Variants in POC1B observed in about 807,000 individuals in gnomAD.
POC1B encodes POC1 centriolar protein homolog B.
POC1B carries 44 observed loss-of-function variants against 60.6 expected under a neutral mutation model. The ratio of observed to expected loss-of-function variants is 0.73; its 90% CI spans 0.57 to 0.93. POC1B has a LOEUF of 0.93. POC1B is among the 40% of genes least tolerant of loss of function. POC1B has a pLI of 0.00. For synonymous variants in POC1B, 180 were observed against 198.9 expected (o/e 0.90, Z 0.80); for missense variants, 555 against 572.3 (o/e 0.97, Z 0.31).
At chr12:89,445,688 T>C (rs1414086132) in intron 10 of POC1B, among the ~76,000 whole-genome samples, 5 of 152,212 alleles carry the variant, frequency 3.3e-5, no homozygotes, top group African/African-American at 7.2e-5. Context: ...ATTCAGGACA[T>C]AGGCATGGGC....
chr12:89,470,361 C>G lies in POC1B; in HGVS notation c.810G>C (p.Thr270=). The G allele has an allele frequency of 6.9e-7, 1 of 1,453,290 alleles. No individual in the cohort carries two copies. Among genetic ancestry groups the G allele is most frequent in the Non-Finnish European group, 9.2e-7 (1 of 1,082,052 alleles). 90.0% of individuals were successfully genotyped at this position (1,453,290 alleles called of 1,614,324 possible). A position where few individuals can be genotyped will look rare whatever the true frequency, so the allele number is the denominator to read the frequency against. Residue 270 remains threonine, a splice_region_variant and synonymous_variant, in exon 7 of 12, where the codon ACG becomes ACC. Transcript: ENST00000313546. The part of the protein sequence containing the change: ...GRLIYTLQGH[T]GPVFTVSFSK... The stretch of plus-strand genomic sequence containing the variant: ...AAAGCAAGAATCTGAGTGTTAATAC[C>G]GTATGTCCTTGAAGTGTATAGATGA...
chr12:89,521,407 CTCACT>C (rs1451301274), intron 2 of POC1B: 1 of 152,258 alleles, frequency 6.6e-6, no homozygotes, highest in African/African-American at 2.4e-5. Context: ...CCGGCCTCCC[CTCACT>C]TAATTTTTAA....
chr12:89,472,319 G>T, intron 4 of POC1B, 44 bp from the exon 5 acceptor site: 1 of 1,280,166 alleles, frequency 7.8e-7, no homozygotes, highest in Non-Finnish European at 1.1e-6. Context: ...AAAGGCTCTG[G>T]AGAGTCACCA....
chr12:89,522,735 C>T, intron 2 of POC1B: 1 of 1,494,710 alleles, frequency 6.7e-7, no homozygotes, highest in Non-Finnish European at 8.9e-7. Flanking sequence ...AAATAAAATA[C>T]AATCTTCACT....
At chr12:89,501,051 T>C in intron 2 of POC1B, 2 of 1,078,902 alleles carry the variant, frequency 1.9e-6, no homozygotes, top group Non-Finnish European at 1.4e-6. Context: ...CAGTAGATCT[T>C]GGGATTACTA....
At chr12:89,510,039 G>A (rs561147366) in intron 2 of POC1B, among the ~76,000 whole-genome samples, 1 of 152,100 alleles carries the variant, frequency 6.6e-6, no homozygotes. Context: ...AGTAGAGACA[G>A]GGTTTCAGCA....
intron 2 of POC1B, among the ~76,000 whole-genome samples, chr12:89,509,257 A>C (rs1373659480): frequency 6.6e-6 from 1 of 152,234 alleles, no homozygotes; most frequent in African/African-American, 2.4e-5. Context: ...ATAATCCATA[A>C]CTATCATTTA....
At chr12:89,463,273 A>G (rs1270538530) in intron 9 of POC1B, among the ~76,000 whole-genome samples, 1 of 152,228 alleles carries the variant, frequency 6.6e-6, no homozygotes, top group Non-Finnish European at 1.5e-5. Context: ...TTAACCAATT[A>G]TAATCCCTGC....
chr12:89,488,738 C>A (rs192907114), intron 4 of POC1B, among the ~76,000 whole-genome samples: 55 of 152,232 alleles, frequency 3.6e-4, no homozygotes, highest in Non-Finnish European at 6.9e-4. Flanking sequence ...CTGCCAGCTT[C>A]GGCCTCCCAA....
intron 2 of POC1B, among the ~76,000 whole-genome samples, chr12:89,516,560 A>G (rs143323733): frequency 5.9e-5 from 9 of 152,318 alleles, no homozygotes; most frequent in African/African-American, 1.9e-4. Context: ...AAATCAAATC[A>G]TGTTATTCCC....
At chr12:89,500,413 C>T in intron 2 of POC1B, 4 of 1,521,058 alleles carry the variant, frequency 2.6e-6, no homozygotes, top group Non-Finnish European at 3.6e-6. Flanking sequence ...GTGAAGCCAC[C>T]AACAGATCAG....
chr12:89,443,980 A>G (rs879396089), intron 10 of POC1B, among the ~76,000 whole-genome samples: 1 of 152,214 alleles, frequency 6.6e-6, no homozygotes, highest in Non-Finnish European at 1.5e-5. Context: ...AAACACTTCT[A>G]TGCAAAGAAA....
chr12:89,445,728 A>C (rs1720819700), intron 10 of POC1B, among the ~76,000 whole-genome samples: 1 of 152,228 alleles, frequency 6.6e-6, no homozygotes, highest in African/African-American at 2.4e-5. Flanking sequence ...CACCAAAAGC[A>C]ATGGCAACAA....
Position 89,459,683 on chromosome 12 carries a change from G to T in POC1B, c.1068C>A (p.Ile356=). The change falls in exon 10 of 12, where the codon ATC becomes ATA. Residue 356 remains isoleucine, a synonymous_variant. Coordinates refer to ENST00000313546, the MANE Select transcript of POC1B (RefSeq NM_172240.3). ...NPKLEVIDLQ[I]STPPVMDILS... is the part of the protein sequence containing the mutation. ...GGATATCCATAACAGGGGGAGTAGA[G>T]ATCTGCAAATCGATTACCTCAAGCT... 6.5e-7 allele frequency: 1 copy of T among 1,535,290 alleles called. No individual in the cohort carries two copies. The highest frequency in any genetic ancestry group is 8.8e-7 in the Non-Finnish European group (1 of 1,140,412).
At chr12:89,514,087 T>C (rs992214819) in intron 2 of POC1B, among the ~76,000 whole-genome samples, 1 of 152,166 alleles carries the variant, frequency 6.6e-6, no homozygotes, top group Non-Finnish European at 1.5e-5. Context: ...CACCCAAATC[T>C]CATGTTGAAT....
Position 89,523,898 on chromosome 12 carries a change from C to T in POC1B, c.100+1222G>A, listed in dbSNP as rs532515471. ...AGGAAAGTGAGGACGTCCCCAGTGG[C>T]GAAAGTGGCCCCAATCAGACGGGCC... On this transcript the variant is annotated intron_variant, in intron 2 of 11. Transcript: ENST00000313546. 8.2e-6 allele frequency: 13 copies of T among 1,586,870 alleles called. No homozygotes were observed. The South Asian group carries it at 1.5e-4, about 18-fold the overall frequency.
chr12:89,500,755 T>C (rs779309966), intron 2 of POC1B: 20 of 1,086,174 alleles, frequency 1.8e-5, no homozygotes, highest in Admixed American at 1.4e-4. Context: ...TAGAAATAGA[T>C]AGAAATAGAT....
downstream of POC1B, among the ~76,000 whole-genome samples, chr12:89,419,315 G>T (rs945045399): frequency 3.3e-5 from 5 of 151,946 alleles, no homozygotes; most frequent in Non-Finnish European, 5.9e-5. Flanking sequence ...TTCCTCAAAT[G>T]CTAAAAATAA....
Position 89,471,637 on chromosome 12 carries a change from T to C in POC1B, c.653A>G (p.Asn218Ser). Residue 218 changes from asparagine (N) to serine (S), a missense_variant, in exon 6 of 12, where the codon AAC (asparagine) becomes AGC (serine). Physicochemically the swap from Asn to Ser is conservative, Grantham distance 46 (BLOSUM62 1). Transcript: ENST00000313546. ...QTVKVWDVRV[N>S]KLLQHYQVHS... The stretch of plus-strand genomic sequence containing the variant: ...ACCTTGGTAATGCTGTAGTAATTTG[T>C]TCACTCTTACATCCCAGACTTTCAC... 1 of 1,611,810 alleles carries C rather than the reference T, an allele frequency of 6.2e-7. No homozygotes were observed. Among genetic ancestry groups the C allele is most frequent in the Non-Finnish European group, 8.5e-7 (1 of 1,178,614 alleles).
Sources: gnomAD v4.1 joint callset for allele counts (sites outside exome capture counted in the v4.1 genomes callset) on GRCh38, gnomAD v4.1.1 for gene constraint, MANE v1.5 for transcripts, NCBI Gene and HGNC (gene_info 2026-07-23, HGNC 2026-07-21) for gene names.